The following GSN variants were observed in gnomAD, a reference collection of about 807,000 sequenced individuals.
GSN encodes actin-depolymerizing factor.
A neutral mutation model predicts 85.7 loss-of-function variants in GSN; 56 were observed. The observed-to-expected ratio is 0.65, with a 90% confidence interval of 0.53 to 0.82. GSN has a LOEUF of 0.82. Among genes scored for constraint, GSN ranks in the 40% least tolerant of loss-of-function variants. The pLI, the probability that GSN is intolerant of heterozygous loss-of-function variation, is 0.00. For missense variants in GSN, 857 were observed against 979.8 expected, an observed-to-expected ratio of 0.87 and a Z score of 1.67; for synonymous variants, 373 against 399.1, an observed-to-expected ratio of 0.93 and a Z score of 0.78.
chr9:121,241,364 C>T (rs928812273), intron 5 of GSN, among the ~76,000 whole-genome samples: 3 of 152,182 alleles, frequency 2.0e-5, no homozygotes, highest in African/African-American at 7.2e-5. Flanking sequence ...CTAATTAGGT[C>T]TTTTAACTTG....
chr9:121,308,924 T>G (rs1370837257), intron 4 of GSN: 1 of 152,252 alleles, frequency 6.6e-6, no homozygotes, highest in Non-Finnish European at 1.5e-5. Context: ...CGGACTCCGT[T>G]TGTCCCTTGC....
At chr9:121,223,088 A>G (rs1433472459) in intron 4 of GSN, 1 of 152,090 alleles carries the variant, frequency 6.6e-6, no homozygotes, top group Non-Finnish European at 1.5e-5. Context: ...GCGTTCCTAC[A>G]GGAGGGACAT....
At chr9:121,306,454 A>G (rs1483663550) in intron 4 of GSN, among the ~76,000 whole-genome samples, 1 of 152,266 alleles carries the variant, frequency 6.6e-6, no homozygotes, top group African/African-American at 2.4e-5. Flanking sequence ...CATTACAGAA[A>G]TATAGGTTCC....
rs375942614 is a variant in GSN at position 121,251,922 on chromosome 9, T to C, written c.-341+3599T>C. Among the ~76,000 whole-genome samples, 11 of 152,022 alleles carry C rather than the reference T, an allele frequency of 7.2e-5. No individual in the cohort carries two copies. In the East Asian group the frequency reaches 9.6e-4, roughly 13 times the overall value. On this transcript the variant is annotated intron_variant, in intron 6 of 24. Coordinates refer to the GSN transcript ENST00000373823. ...GTTGCAGTGAGCCGAGATCATGCCA[T>C]TGCACTCCAGCCTGGGCGACAAGAG...
intron 16 of GSN, 152 bp from the exon 17 acceptor site, chr9:121,331,236 C>T (rs1398960589): frequency 9.4e-6 from 6 of 638,148 alleles, no homozygotes; most frequent in Admixed American, 2.5e-5. Flanking sequence ...TTTTCAACCT[C>T]TGTTCCAAAT....
chr9:121,247,205 A>C (rs2054716732), intron 5 of GSN, among the ~76,000 whole-genome samples: 1 of 152,146 alleles, frequency 6.6e-6, no homozygotes, highest in Non-Finnish European at 1.5e-5. Context: ...TTCAGTGGTC[A>C]TTGCAGCCCA....
Position 121,244,797 on chromosome 9 carries a change from T to C in GSN, c.-388-3479T>C, listed in dbSNP as rs548973072. 5.9e-5 allele frequency among the ~76,000 whole-genome samples: 9 copies of C among 152,332 alleles called. No individual in the cohort carries two copies. The East Asian group carries it at 1.3e-3, about 23-fold the overall frequency. On this transcript the variant is annotated intron_variant, in intron 5 of 24. Transcript: ENST00000373823. ...TACTATGTGTGATCTCCAGGATATATTTTTAAGTAAAAAGAGAAAAGTATG... is the reference window on the plus strand; with the variant it reads ...TACTATGTGTGATCTCCAGGATATACTTTTAAGTAAAAAGAGAAAAGTATG...
rs371885154 is a variant in GSN, at chr9:121,312,507, A to G, written c.663+19A>G. The G allele has an allele frequency of 1.7e-5, 25 of 1,498,884 alleles. No homozygotes were observed. Among genetic ancestry groups the G allele is most frequent in the Admixed American group, 3.6e-5 (2 of 55,890 alleles). 92.8% of individuals were successfully genotyped at this position (1,498,884 alleles called of 1,614,324 possible). On this transcript the variant is annotated intron_variant, in intron 6 of 17. Transcript: ENST00000432226. ...GCTCCAGGTGCCTGTGGGGTGCGCA[A>G]TGGGGTGGCCATGGGGACACGCTGC...
At position 121,310,686 on chromosome 9, in the gene GSN, A is replaced by G; in HGVS notation, c.354A>G (p.Lys118=). 6.2e-7 allele frequency: 1 copy of G among 1,614,014 alleles called. No homozygotes were observed. Among genetic ancestry groups the G allele is most frequent in the East Asian group, 2.2e-5 (1 of 44,886 alleles). The change falls in exon 5 of 18, where the codon AAA becomes AAG. Residue 118 remains lysine, a splice_region_variant and synonymous_variant. Coordinates refer to ENST00000432226, the MANE Select transcript of GSN (RefSeq NM_198252.3). The part of the protein sequence containing the change: ...GYFKSGLKYK[K]GGVASGFKHV... ...ATGCTGTCTCTTTGGCCCCACAGAAAGGAGGTGTGGCATCAGGATTCAAGC... is the reference window on the plus strand; with the variant it reads ...ATGCTGTCTCTTTGGCCCCACAGAAGGGAGGTGTGGCATCAGGATTCAAGC...
chr9:121,232,923 T>C (rs1193094025), intron 5 of GSN, among the ~76,000 whole-genome samples: 1 of 152,214 alleles, frequency 6.6e-6, no homozygotes, highest in Non-Finnish European at 1.5e-5. Flanking sequence ...GGAACCATTG[T>C]TGAGTCCCCT....
At chr9:121,322,948 C>T (rs899483018) in intron 11 of GSN, among the ~76,000 whole-genome samples, 1 of 151,614 alleles carries the variant, frequency 6.6e-6, no homozygotes, top group Non-Finnish European at 1.5e-5. Flanking sequence ...TATCGTGCCT[C>T]AGCCTCCTGA....
intron 1 of GSN, among the ~76,000 whole-genome samples, chr9:121,271,135 C>T (rs890021366): frequency 5.3e-5 from 8 of 152,106 alleles, no homozygotes; most frequent in Non-Finnish European, 7.4e-5. Flanking sequence ...TTTGGGAGGC[C>T]GAGTTGGGTT....
upstream of GSN, among the ~76,000 whole-genome samples, chr9:121,205,985 C>A (rs1588389055): frequency 6.6e-6 from 1 of 151,624 alleles, no homozygotes; most frequent in East Asian, 1.9e-4. Flanking sequence ...ATTGGAGATT[C>A]CCCCCTACCC....
At chr9:121,280,283 G>A (rs1413683173) in intron 1 of GSN, 1 of 152,258 alleles carries the variant, frequency 6.6e-6, no homozygotes, top group South Asian at 2.1e-4. Flanking sequence ...GAGGCGGGAG[G>A]ACTGAGCTGC....
rs113912407 is a variant in GSN at position 121,313,594 on chromosome 9, G to C, written c.664-340G>C. On this transcript the variant is annotated intron_variant, in intron 6 of 17. Transcript: ENST00000432226. ...AATCTGTGCCTCCTGGCCTGGCTGC[G>C]AGGATGCAGTGACATCTTTTAAAGG... is the stretch of plus-strand genomic sequence containing the variant. The C allele has an allele frequency of 4.9e-3, 1,814 of 371,688 alleles. 36 individuals are homozygous for C. The highest frequency in any genetic ancestry group is 0.035 in the African/African-American group (1,680 of 48,024). The allele number at this position is 371,688 out of a possible 1,614,324, so 23.0% of individuals were successfully genotyped here.
chr9:121,204,473 C>T (rs566781493), upstream of GSN, among the ~76,000 whole-genome samples: 6 of 152,272 alleles, frequency 3.9e-5, no homozygotes, highest in Admixed American at 2.6e-4. Context: ...GTGCCTATCA[C>T]ATGCTAAGGA....
At chr9:121,331,472 CGGGGGGA>C in intron 17 of GSN, 24 bp downstream of exon 17, 4 of 1,387,768 alleles carry the variant, frequency 2.9e-6, no homozygotes, top group Non-Finnish European at 3.9e-6. Context: ...TGCCTGGGGG[CGGGGGGA>C]GGGGTCCGTT....
At chr9:121,276,948 AAAAG>A (rs769117044) in intron 1 of GSN, among the ~76,000 whole-genome samples, 9 of 152,316 alleles carry the variant, frequency 5.9e-5, no homozygotes, top group Middle Eastern at 3.4e-3. Flanking sequence ...TAATAAAAAA[AAAAG>A]AAAGAAAGAA....
Position 121,255,009 on chromosome 9 carries a change from C to G in GSN, c.-341+6686C>G, listed in dbSNP as rs578256859. Among the ~76,000 whole-genome samples the G allele has an allele frequency of 2.0e-5, 3 of 152,068 alleles. No individual in the cohort carries two copies. In the South Asian group the frequency reaches 6.2e-4, roughly 31 times the overall value. On this transcript the variant is annotated intron_variant, in intron 6 of 24. Transcript: ENST00000373823. ...CTGTCGCCCAGGCTGGAGTCAGTGGCGTGATCTCGGCTCACTGCAAGCTCT... is the reference window on the plus strand; with the variant it reads ...CTGTCGCCCAGGCTGGAGTCAGTGGGGTGATCTCGGCTCACTGCAAGCTCT...
Sources: gnomAD v4.1 joint callset for allele counts (sites outside exome capture counted in the v4.1 genomes callset) on GRCh38, gnomAD v4.1.1 for gene constraint, MANE v1.5 for transcripts, NCBI Gene and HGNC (gene_info 2026-07-23, HGNC 2026-07-21) for gene names.